The following LSAMP variants were observed in gnomAD, a reference collection of about 807,000 sequenced individuals.
The protein encoded by LSAMP is limbic system-associated membrane protein.
LSAMP carries 7 observed loss-of-function variants against 38.6 expected under a neutral mutation model. The observed-to-expected ratio is 0.18, with a 90% CI of 0.10 to 0.34. The LOEUF (loss-of-function observed/expected upper bound fraction) is 0.34, where lower values mean the gene tolerates loss of function less well. LSAMP is among the 10% of genes least tolerant of loss of function. The pLI is 1.00. For synonymous variants in LSAMP, 154 were observed against 166.8 expected (o/e 0.92, Z 0.59); for missense variants, 313 against 420.0 (o/e 0.75, Z 2.23).
intron 3 of LSAMP, among the ~76,000 whole-genome samples, chr3:115,888,315 C>A (rs951842175): frequency 6.6e-6 from 1 of 151,880 alleles, no homozygotes; most frequent in Non-Finnish European, 1.5e-5. Flanking sequence ...TCCCTTAATA[C>A]ATTGCTGTTT....
At chr3:116,348,258 C>T (rs1381511070) in intron 1 of LSAMP, among the ~76,000 whole-genome samples, 1 of 151,964 alleles carries the variant, frequency 6.6e-6, no homozygotes, top group Admixed American at 6.6e-5. Context: ...TCTCTTCATG[C>T]CTCGGTACAA....
intron 1 of LSAMP, among the ~76,000 whole-genome samples, chr3:116,282,856 T>C (rs1011767162): frequency 6.6e-6 from 1 of 151,828 alleles, no homozygotes; most frequent in Non-Finnish European, 1.5e-5. Context: ...AAGACAAACC[T>C]GAGGCAAATT....
intron 2 of LSAMP, among the ~76,000 whole-genome samples, chr3:116,037,739 T>C (rs78471338): frequency 0.017 from 2,560 of 152,224 alleles, 45 homozygotes; most frequent in Non-Finnish European, 0.02. Context: ...GTCCCATGAC[T>C]ATGTGGTTAT....
intron 2 of LSAMP, among the ~76,000 whole-genome samples, chr3:116,029,644 T>C (rs1940874209): frequency 2.0e-5 from 3 of 152,134 alleles, no homozygotes; most frequent in Non-Finnish European, 4.4e-5. Context: ...TGGAAGCTAA[T>C]AAAAATGACA....
Position 115,903,432 on chromosome 3 carries a change from C to T in LSAMP, c.515-50815G>A, listed in dbSNP as rs577486875. On this transcript the variant is annotated intron_variant, in intron 3 of 6. Transcript: ENST00000490035. ...TGATGAAGTAATCTGTACAACAAAC[C>T]CCAGTGACATGAGTTTACCTATATA... 1.4e-4 allele frequency among the ~76,000 whole-genome samples: 21 copies of T among 152,058 alleles called. No individual in the cohort carries two copies. In the South Asian group the frequency reaches 4.2e-3, roughly 30 times the overall value.
chr3:115,863,487 A>G (rs745318414), intron 3 of LSAMP, among the ~76,000 whole-genome samples: 1 of 152,068 alleles, frequency 6.6e-6, no homozygotes, highest in Non-Finnish European at 1.5e-5. Flanking sequence ...AGGACATTCA[A>G]ATGGAGATTC....
rs530364871 is a variant in LSAMP at position 115,828,125 on chromosome 3, A to G, written c.919+13720T>C. ...TAACCAGTGTTTAGAAGTGAATGTC[A>G]ATACTATCAAAACCTTTTCTTTGGT... is the stretch of plus-strand genomic sequence containing the variant. On this transcript the variant is annotated intron_variant, in intron 6 of 6. Transcript: ENST00000490035. 2.4e-4 allele frequency among the ~76,000 whole-genome samples: 37 copies of G among 152,326 alleles called. No individual in the cohort carries two copies. In the South Asian group the frequency reaches 4.6e-3, roughly 19 times the overall value.
intron 1 of LSAMP, among the ~76,000 whole-genome samples, chr3:116,267,897 A>AAAGTCAATGGAGAGAGTCT (rs2046913281): frequency 2.0e-5 from 3 of 152,030 alleles, no homozygotes. Context: ...GATGTAAGTA[A>AAAGTCAATGGAGAGAGTCT]AAGTCAATGG....
chr3:116,119,254 T>C (rs1708820548), intron 1 of LSAMP, among the ~76,000 whole-genome samples: 1 of 151,962 alleles, frequency 6.6e-6, no homozygotes, highest in Non-Finnish European at 1.5e-5. Flanking sequence ...ACATGCTTTT[T>C]AAAAATTGTA....
At chr3:116,351,523 G>C (rs1211364546) in intron 1 of LSAMP, among the ~76,000 whole-genome samples, 2 of 151,878 alleles carry the variant, frequency 1.3e-5, no homozygotes, top group Non-Finnish European at 2.9e-5. Flanking sequence ...TACATTCTGA[G>C]CTCTCACATT....
chr3:116,289,107 A>G (rs1172618096), intron 1 of LSAMP, among the ~76,000 whole-genome samples: 3 of 152,188 alleles, frequency 2.0e-5, no homozygotes, highest in African/African-American at 7.2e-5. Context: ...TCATGAGAGA[A>G]ACAATCAGTA....
intron 1 of LSAMP, among the ~76,000 whole-genome samples, chr3:116,391,333 C>A (rs934981903): frequency 3.3e-5 from 5 of 151,992 alleles, no homozygotes; most frequent in Middle Eastern, 3.4e-3. Context: ...CCGCTGACTG[C>A]GCTGTCCCAC....
chr3:115,896,870 A>G (rs1416294899), intron 3 of LSAMP, among the ~76,000 whole-genome samples: 1 of 152,052 alleles, frequency 6.6e-6, no homozygotes, highest in African/African-American at 2.4e-5. Context: ...CAGGATTTCT[A>G]TGCCCTGAAC....
intron 2 of LSAMP, among the ~76,000 whole-genome samples, chr3:116,059,118 A>C (rs924295655): frequency 6.6e-6 from 1 of 152,176 alleles, no homozygotes; most frequent in Admixed American, 6.5e-5. Context: ...CCAGAGATTA[A>C]AATTTCTATG....
At chr3:116,290,486 C>T (rs2047249593) in intron 1 of LSAMP, among the ~76,000 whole-genome samples, 1 of 151,904 alleles carries the variant, frequency 6.6e-6, no homozygotes, top group South Asian at 2.1e-4. Context: ...AATCCCAGCA[C>T]TTTGGGAGGC....
chr3:115,954,953 G>GTTT (rs1257314299), intron 3 of LSAMP, among the ~76,000 whole-genome samples: 1 of 38,614 alleles, frequency 2.6e-5, no homozygotes, highest in African/African-American at 4.1e-5. Flanking sequence ...TTCTGTTTTT[G>GTTT]TTTTTGTTTT....
At chr3:116,209,108 C>T (rs1255569097) in intron 1 of LSAMP, among the ~76,000 whole-genome samples, 2 of 152,168 alleles carry the variant, frequency 1.3e-5, no homozygotes, top group Non-Finnish European at 2.9e-5. Flanking sequence ...CGTGGTGTGC[C>T]GTTTTTTAAG....
At chr3:116,042,871 G>A (rs1435696817) in intron 2 of LSAMP, among the ~76,000 whole-genome samples, 2 of 152,154 alleles carry the variant, frequency 1.3e-5, no homozygotes, top group Non-Finnish European at 2.9e-5. Flanking sequence ...TTCAGTCAGA[G>A]TTGTATAAAC....
intron 1 of LSAMP, among the ~76,000 whole-genome samples, chr3:116,425,750 A>T (rs147008001): frequency 1.1e-3 from 175 of 152,188 alleles, no homozygotes; most frequent in African/African-American, 3.2e-3. Context: ...AATAATAAAT[A>T]AATTAATTAA....
Sources: gnomAD v4.1 joint callset for allele counts (sites outside exome capture counted in the v4.1 genomes callset) on GRCh38, gnomAD v4.1.1 for gene constraint, MANE v1.5 for transcripts, NCBI Gene and HGNC (gene_info 2026-07-23, HGNC 2026-07-21) for gene names.